The following CRACDL variants were observed in gnomAD, a reference collection of about 807,000 sequenced individuals.
CRACDL encodes the protein CRACD like.
CRACDL carries 26 observed loss-of-function variants against 70.6 expected under a neutral mutation model. The observed-to-expected ratio is 0.37, with a 90% confidence interval of 0.27 to 0.51. The LOEUF is 0.51. Ranked by LOEUF, CRACDL falls within the 20% of genes least tolerant of loss-of-function variation. The pLI is 0.94. For missense variants in CRACDL, 1,283 were observed against 1,376.9 expected (o/e 0.93, Z 1.08); for synonymous variants, 618 against 615.2 (o/e 1.00, Z -0.07).
chr2:98,812,466 G>C (rs1559206503), intron 7 of CRACDL, among the ~76,000 whole-genome samples: 1 of 152,184 alleles, frequency 6.6e-6, no homozygotes. Context: ...ATTGGCCATA[G>C]AGATAATACT....
At chr2:98,866,557 G>A (rs976246801) in intron 1 of CRACDL, among the ~76,000 whole-genome samples, 4 of 127,788 alleles carry the variant, frequency 3.1e-5, no homozygotes, top group Non-Finnish European at 6.2e-5. Flanking sequence ...GCATGATCTT[G>A]GCTCACTGCA....
At chr2:98,851,589 C>A (rs1167425607) in intron 1 of CRACDL, among the ~76,000 whole-genome samples, 1 of 152,158 alleles carries the variant, frequency 6.6e-6, no homozygotes, top group African/African-American at 2.4e-5. Flanking sequence ...CAGGGTTCTG[C>A]CATCTACCCT....
intron 7 of CRACDL, among the ~76,000 whole-genome samples, chr2:98,807,710 G>A (rs115663405): frequency 0.03 from 4,548 of 152,280 alleles, 89 homozygotes; most frequent in Middle Eastern, 0.065. Flanking sequence ...AGCATTTAAC[G>A]TTAATACTTG....
intron 1 of CRACDL, among the ~76,000 whole-genome samples, chr2:98,890,470 C>T (rs1273696705): frequency 6.6e-6 from 1 of 152,124 alleles, no homozygotes; most frequent in African/African-American, 2.4e-5. Context: ...TATGAATGGA[C>T]CAAAACAACC....
chr2:98,818,885 A>G (rs953235494), intron 7 of CRACDL, among the ~76,000 whole-genome samples: 2 of 152,178 alleles, frequency 1.3e-5, no homozygotes, highest in African/African-American at 4.8e-5. Flanking sequence ...TGTCCTTCCA[A>G]TACCACTGCC....
chr2:98,865,228 G>C (rs912008372), intron 1 of CRACDL, among the ~76,000 whole-genome samples: 13 of 151,902 alleles, frequency 8.6e-5, no homozygotes, highest in African/African-American at 2.9e-4. Flanking sequence ...GCTTGAACTT[G>C]ATGTTCCCTG....
At chr2:98,803,750 G>A (rs182490501) in intron 7 of CRACDL, among the ~76,000 whole-genome samples, 6 of 152,240 alleles carry the variant, frequency 3.9e-5, no homozygotes, top group East Asian at 3.9e-4. Context: ...ATCCATCATC[G>A]CCATTTCTCA....
At chr2:98,869,348 C>T in intron 1 of CRACDL, 1 of 1,084,020 alleles carries the variant, frequency 9.2e-7, no homozygotes, top group South Asian at 1.7e-5. Flanking sequence ...GGCGGGTGCA[C>T]AGGCACACAG....
chr2:98,859,439 A>G (rs1706846345), intron 1 of CRACDL, among the ~76,000 whole-genome samples: 1 of 152,232 alleles, frequency 6.6e-6, no homozygotes, highest in Non-Finnish European at 1.5e-5. Flanking sequence ...ACCCAGCAAC[A>G]TATTAAAGAG....
At chr2:98,854,197 C>T (rs1190026740) in intron 1 of CRACDL, among the ~76,000 whole-genome samples, 4 of 143,748 alleles carry the variant, frequency 2.8e-5, no homozygotes, top group Non-Finnish European at 6.0e-5. Flanking sequence ...GGGAGAAGTG[C>T]GTGAACCCGG....
chr2:98,898,909 C>A (rs1293051543), intron 1 of CRACDL, among the ~76,000 whole-genome samples: 1 of 152,142 alleles, frequency 6.6e-6, no homozygotes, highest in African/African-American at 2.4e-5. Context: ...AGAAGGTAAT[C>A]GTCTCCCAAA....
chr2:98,832,240 C>G, intron 5 of CRACDL, 108 bp downstream of exon 5: 1 of 1,230,982 alleles, frequency 8.1e-7, no homozygotes, highest in East Asian at 2.3e-5. Context: ...GTTGGCCACA[C>G]CATGCACAGC....
chr2:98,932,672 G>A (rs934536321), intron 1 of CRACDL, among the ~76,000 whole-genome samples: 1 of 152,156 alleles, frequency 6.6e-6, no homozygotes. Flanking sequence ...CCTGACTGAA[G>A]TCTCCAGCAG....
chr2:98,847,192 A>C, intron 1 of CRACDL, among the ~76,000 whole-genome samples: 1 of 152,238 alleles, frequency 6.6e-6, no homozygotes, highest in Non-Finnish European at 1.5e-5. Context: ...CAACCAACCA[A>C]GGATAACCAC....
chr2:98,864,160 A>G (rs975482434), intron 1 of CRACDL, among the ~76,000 whole-genome samples: 5 of 152,218 alleles, frequency 3.3e-5, no homozygotes. Flanking sequence ...AATAACCCAA[A>G]TATCCATCTC....
chr2:98,886,709 A>C (rs766327400), intron 1 of CRACDL, among the ~76,000 whole-genome samples: 1 of 152,266 alleles, frequency 6.6e-6, no homozygotes, highest in Non-Finnish European at 1.5e-5. Context: ...GTGGCCACAC[A>C]TGACAAAAAT....
At chr2:98,840,124 TTATAA>T (rs1705961699) in intron 2 of CRACDL, among the ~76,000 whole-genome samples, 1 of 152,172 alleles carries the variant, frequency 6.6e-6, no homozygotes, top group South Asian at 2.1e-4. Context: ...TTTCCTGTTT[TTATAA>T]TATAATATTT....
chr2:98,889,340 A>AAAGAAAGAAAGGAAGG (rs1231775878), intron 1 of CRACDL, among the ~76,000 whole-genome samples: 14 of 128,086 alleles, frequency 1.1e-4, no homozygotes, highest in African/African-American at 3.2e-4. Context: ...AGAAAGAAAG[A>AAAGAAAGAAAGGAAGG]AAGGAAACAG....
chr2:98,887,469 CAAAGAAAAAAAGAA>C (rs1246074766), intron 1 of CRACDL, among the ~76,000 whole-genome samples: 11 of 150,806 alleles, frequency 7.3e-5, no homozygotes, highest in Non-Finnish European at 1.5e-4. Flanking sequence ...GCCGGGGTGA[CAAAGAAAAAAAGAA>C]AAAGAAAAAT....
Sources: allele counts gnomAD v4.1 joint callset (sites outside exome capture counted in the v4.1 genomes callset), GRCh38; gene constraint gnomAD v4.1.1; transcripts MANE v1.5; gene names NCBI Gene and HGNC (gene_info 2026-07-23, HGNC 2026-07-21).